Variants in ZNF565 observed in about 807,000 individuals in gnomAD.
ZNF565 encodes zinc finger protein 565.
In ZNF565, 27 loss-of-function variants were observed where a neutral mutation model predicts 39.4. That is an observed-to-expected ratio of 0.69 (90% CI 0.51 to 0.95). The LOEUF is 0.95. Among genes scored for constraint, ZNF565 ranks in the 40% least tolerant of loss-of-function variants. The pLI is 0.00. For synonymous variants in ZNF565, 185 were observed against 216.6 expected, an observed-to-expected ratio of 0.85 and a Z score of 1.28; for missense variants, 524 against 621.1, an observed-to-expected ratio of 0.84 and a Z score of 1.66.
chr19:36,184,593 A>AC (rs946105013), intron 4 of ZNF565, among the ~76,000 whole-genome samples: 15 of 147,092 alleles, frequency 1.0e-4, no homozygotes, highest in African/African-American at 3.5e-4. Flanking sequence ...CCAAATAGAA[A>AC]CCCCCCCACC....
Position 36,242,657 on chromosome 19 carries a change from G to A in ZNF565, c.55+2819C>T, listed in dbSNP as rs1482798997. ...GGAGAATCACTTGAACCTGGGAGGC[G>A]GAGGTTGCAGTGAGCCAAGATCATG... is the stretch of plus-strand genomic sequence containing the variant. On this transcript the variant is annotated intron_variant, in intron 1 of 4. Transcript: ENST00000355114. Among the ~76,000 whole-genome samples, 4 of 152,120 alleles carry A rather than the reference G, an allele frequency of 2.6e-5. No homozygotes were observed. In the East Asian group the frequency reaches 5.8e-4, roughly 22 times the overall value.
intron 1 of ZNF565, among the ~76,000 whole-genome samples, chr19:36,223,247 T>C (rs2145414202): frequency 6.6e-6 from 1 of 151,398 alleles, no homozygotes; most frequent in South Asian, 2.1e-4. Context: ...TGAAACCCCG[T>C]CTCTACTAAA....
chr19:36,233,518 G>A (rs754592542), intron 1 of ZNF565, among the ~76,000 whole-genome samples: 3 of 152,052 alleles, frequency 2.0e-5, no homozygotes, highest in Admixed American at 6.6e-5. Flanking sequence ...CAAGAGGACC[G>A]GCCTCTTGAG....
chr19:36,244,047 A>C (rs1977840257), intron 1 of ZNF565, among the ~76,000 whole-genome samples: 1 of 152,060 alleles, frequency 6.6e-6, no homozygotes, highest in South Asian at 2.1e-4. Context: ...GCCTTGCACC[A>C]AGAACAGCCC....
At position 36,245,167 on chromosome 19, in the gene ZNF565, A is replaced by G. The variant is rs2029886928; in HGVS notation, c.55+309T>C. ...GAGAGCCATGGATTCGCATTTGCGC[A>G]GAGTCGGGGTCTGTTGCTACGGGTC... On this transcript the variant is annotated intron_variant, in intron 1 of 4. Coordinates refer to the ZNF565 transcript ENST00000355114. The surrounding 1 kb of genome is among the most constrained non-coding windows in gnomAD (Gnocchi z 4.4). 6.6e-6 allele frequency among the ~76,000 whole-genome samples: 1 copy of G among 152,200 alleles called. No individual in the cohort carries two copies. Among genetic ancestry groups the G allele is most frequent in the Non-Finnish European group, 1.5e-5 (1 of 68,030 alleles).
chr19:36,218,020 G>T (rs1267812083), upstream of ZNF565: 1 of 151,698 alleles, frequency 6.6e-6, no homozygotes, highest in Non-Finnish European at 1.5e-5. Context: ...GACCAGGCTG[G>T]TCTCGAACTC....
At chr19:36,237,035 CTTA>C (rs1977668446) in intron 1 of ZNF565, 1 of 1,614,080 alleles carries the variant, frequency 6.2e-7, no homozygotes, top group Non-Finnish European at 8.5e-7. Context: ...GCGAACATCA[CTTA>C]TTGTACATGT....
At position 36,245,110 on chromosome 19, in the gene ZNF565, G is replaced by C. The variant is rs2029886239; in HGVS notation, c.55+366C>G. ...TTTCTTTTGAGTTTAGGGATCCACA[G>C]CCTGAGACCCGGCGAGCCTCGCTGC... On this transcript the variant is annotated intron_variant, in intron 1 of 4. Transcript: ENST00000355114. This position sits in a 1 kb window ranked among gnomAD's most constrained non-coding sequence, Gnocchi z 4.4. Among the ~76,000 whole-genome samples the C allele has an allele frequency of 6.6e-6, 1 of 152,194 alleles. No individual in the cohort carries two copies. Among genetic ancestry groups the C allele is most frequent in the African/African-American group, 2.4e-5 (1 of 41,442 alleles).
Position 36,245,401 on chromosome 19 carries a change from G to C in ZNF565, c.55+75C>G. On this transcript the variant is annotated intron_variant, in intron 1 of 4. Coordinates refer to the ZNF565 transcript ENST00000355114. The surrounding 1 kb of genome is among the most constrained non-coding windows in gnomAD (Gnocchi z 4.4). Reference sequence around the variant, plus strand: ...GAGGACAGTCACTGCGACCCGGAAAGCTCCGCGCTTACGACGCCCACCCAG... The same window carrying C: ...GAGGACAGTCACTGCGACCCGGAAACCTCCGCGCTTACGACGCCCACCCAG... 1 of 700,322 alleles carries C rather than the reference G, an allele frequency of 1.4e-6. No homozygotes were observed. Among genetic ancestry groups the C allele is most frequent in the Non-Finnish European group, 2.6e-6 (1 of 383,676 alleles). The allele number at this position is 700,322 out of a possible 1,614,324, so 43.4% of individuals were successfully genotyped here. A position where few individuals can be genotyped will look rare whatever the true frequency, so the allele number is the denominator to read the frequency against.
chr19:36,238,144 T>C (rs577478579), intron 1 of ZNF565: 2 of 167,222 alleles, frequency 1.2e-5, no homozygotes, highest in East Asian at 3.8e-4. Flanking sequence ...TATATATCTG[T>C]AAAATGCAAC....
intron 1 of ZNF565, among the ~76,000 whole-genome samples, chr19:36,225,311 CA>C (rs1055106753): frequency 1.4e-4 from 22 of 152,166 alleles, no homozygotes; most frequent in Non-Finnish European, 3.1e-4. Flanking sequence ...AACAAAAAAT[CA>C]AATGGGACAA....
chr19:36,226,873 G>A (rs929733721), intron 1 of ZNF565, among the ~76,000 whole-genome samples: 3 of 152,022 alleles, frequency 2.0e-5, no homozygotes, highest in African/African-American at 7.2e-5. Flanking sequence ...ATCACCTGTG[G>A]TCGGGAGTTT....
At chr19:36,194,716 A>G (rs1200433886) in intron 3 of ZNF565, 5 of 500,488 alleles carry the variant, frequency 1.0e-5, no homozygotes, top group Non-Finnish European at 1.8e-5. Flanking sequence ...AGCTCACCGT[A>G]AGGACTGCAT....
At chr19:36,196,447 C>T (rs1975763858) in intron 2 of ZNF565, among the ~76,000 whole-genome samples, 1 of 152,164 alleles carries the variant, frequency 6.6e-6, no homozygotes, top group African/African-American at 2.4e-5. Flanking sequence ...TCTACAGCTG[C>T]AGGCCTGTGG....
At position 36,182,635 on chromosome 19, in the gene ZNF565, TCAC is replaced by T; in HGVS notation, c.1328_1330del (p.Cys443_Glu444delinsTer). The T allele has an allele frequency of 6.2e-7, 1 of 1,614,158 alleles. No individual in the cohort carries two copies. Among genetic ancestry groups the T allele is most frequent in the Non-Finnish European group, 8.5e-7 (1 of 1,179,974 alleles). On this transcript the variant is annotated stop_gained and inframe_deletion, in exon 5 of 5. Transcript: ENST00000304116. LOFTEE classifies it high-confidence loss of function. ...ACACTCCCTGCATTCATAGGGTTTC[TCAC>T]AAGTGTGAATTCGCTGATGATGAGT... is the stretch of plus-strand genomic sequence containing the variant.
chr19:36,242,281 A>C (rs931644719), intron 1 of ZNF565, among the ~76,000 whole-genome samples: 1 of 151,988 alleles, frequency 6.6e-6, no homozygotes, highest in Non-Finnish European at 1.5e-5. Flanking sequence ...GTGATGGTGC[A>C]TGCCTGTAGT....
intron 1 of ZNF565, chr19:36,235,977 GT>G (rs1977631226): frequency 6.3e-6 from 1 of 157,580 alleles, no homozygotes; most frequent in African/African-American, 2.4e-5. Context: ...AATGTCTTTG[GT>G]TTAAAACGTT....
At chr19:36,220,702 G>A (rs1194860725) in intron 1 of ZNF565, among the ~76,000 whole-genome samples, 2 of 151,998 alleles carry the variant, frequency 1.3e-5, no homozygotes, top group Non-Finnish European at 2.9e-5. Context: ...TATGAAACAA[G>A]TTATAAGTAC....
intron 1 of ZNF565, among the ~76,000 whole-genome samples, chr19:36,210,626 A>AT (rs376828715): frequency 1.3e-3 from 188 of 143,578 alleles, no homozygotes; most frequent in Middle Eastern, 3.6e-3. Flanking sequence ...TCAAAAAATC[A>AT]TTTTTTTTTT....
Sources: allele counts gnomAD v4.1 joint callset (sites outside exome capture counted in the v4.1 genomes callset), GRCh38; gene constraint gnomAD v4.1.1; non-coding constraint Gnocchi (gnomAD v3.1); transcripts MANE v1.5; gene names NCBI Gene and HGNC (gene_info 2026-07-23, HGNC 2026-07-21).